The following SLC6A14 variants were observed in gnomAD, a reference collection of about 807,000 sequenced individuals.
The protein encoded by SLC6A14 is solute carrier family 6 member 14.
SLC6A14 carries 21 observed loss-of-function variants against 51.4 expected under a neutral mutation model. That is an observed-to-expected ratio of 0.41 (90% CI 0.29 to 0.59). SLC6A14 has a LOEUF of 0.59. Among genes scored for constraint, SLC6A14 ranks in the 20% least tolerant of loss-of-function variants. The pLI, the probability that SLC6A14 is intolerant of heterozygous loss-of-function variation, is 0.31. For missense variants in SLC6A14, 371 were observed against 472.8 expected (o/e 0.78, Z 2.00); for synonymous variants, 177 against 160.7 (o/e 1.10, Z -0.77).
At position 116,460,985 on chromosome X, in the gene SLC6A14, G is replaced by A. The variant is rs2147393746; in HGVS notation, c.*2030G>A. The A allele has an allele frequency of 8.9e-6, 1 of 111,777 alleles. No individual in the cohort carries two copies. Among genetic ancestry groups the A allele is most frequent in the African/African-American group, 3.2e-5 (1 of 30,783 alleles). The allele number at this position is 111,777 out of a possible 1,213,427, so 9.2% of individuals were successfully genotyped here. ...ATTTGAGAATAGATGGCTAACAAGA[G>A]GTTAGAAATACTTTTCCTTAATTTT... On this transcript the variant is annotated 3_prime_UTR_variant, in exon 14 of 14. Transcript: ENST00000598581.
intron 3 of SLC6A14, among the ~76,000 whole-genome samples, chrX:116,442,053 A>T (rs1927608716): frequency 8.9e-6 from 1 of 111,736 alleles, no homozygotes; most frequent in Non-Finnish European, 1.9e-5. Flanking sequence ...TTGCAGGCTT[A>T]ACAAGAAAAA....
rs1467109070 is a variant in SLC6A14 at position 116,459,830 on chromosome X, T to C, written c.*875T>C. On this transcript the variant is annotated 3_prime_UTR_variant, in exon 14 of 14. Transcript: ENST00000598581. ...TAATGAGAAAATGGCTTTAATCAAT[T>C]CTAGCATTTTATTACTGTAATACAG... The C allele has an allele frequency of 8.9e-6, 1 of 112,139 alleles. No individual in the cohort carries two copies. The highest frequency in any genetic ancestry group is 3.2e-5 in the African/African-American group (1 of 30,826). 9.2% of individuals were successfully genotyped at this position (112,139 alleles called of 1,213,427 possible). A position where few individuals can be genotyped will look rare whatever the true frequency, so the allele number is the denominator to read the frequency against.
intron 2 of SLC6A14, among the ~76,000 whole-genome samples, chrX:116,439,954 A>G (rs1444095019): frequency 9.0e-6 from 1 of 111,341 alleles, no homozygotes; most frequent in Admixed American, 9.6e-5. Context: ...TGTTATTCCT[A>G]GGTATGATGT....
Position 116,437,968 on chromosome X carries a change from A to ACGGGGGGGG in SLC6A14, c.214+14_214+15insGGGGGGGGC. 5 of 1,122,109 alleles carry ACGGGGGGGG rather than the reference A, an allele frequency of 4.5e-6. No individual in the cohort carries two copies. Among genetic ancestry groups the ACGGGGGGGG allele is most frequent in the South Asian group, 2.0e-5 (1 of 50,795 alleles). 92.5% of individuals were successfully genotyped at this position (1,122,109 alleles called of 1,213,427 possible). ...AGCAATGGTGGAGGTATTCTATTTC[A>ACGGGGGGGG]CCCCCACCCTCCCACCCCCGCTTTT... On this transcript the variant is annotated intron_variant, in intron 2 of 13. Coordinates refer to ENST00000598581, the MANE Select transcript of SLC6A14 (RefSeq NM_007231.5).
chrX:116,458,686 T>A, intron 13 of SLC6A14, 123 bp from the exon 14 acceptor site: 1 of 590,327 alleles, frequency 1.7e-6, no homozygotes, highest in Non-Finnish European at 2.4e-6. Context: ...TAGTTTTCTA[T>A]GATGCTTATT....
At chrX:116,445,091 C>A (rs1374372540) in intron 6 of SLC6A14, 41 bp downstream of exon 6, 2 of 1,116,287 alleles carry the variant, frequency 1.8e-6, no homozygotes, top group African/African-American at 3.7e-5. Context: ...TAGCAGCTTT[C>A]CAATTTCATG....
At chrX:116,443,887 A>T in intron 5 of SLC6A14, 97 bp downstream of exon 5, 1 of 698,140 alleles carries the variant, frequency 1.4e-6, no homozygotes, top group Non-Finnish European at 2.0e-6. Context: ...ACTCACATAA[A>T]TAGAAAAAGG....
intron 8 of SLC6A14, among the ~76,000 whole-genome samples, chrX:116,452,814 C>A (rs1428828816): frequency 1.8e-5 from 2 of 111,673 alleles, no homozygotes; most frequent in African/African-American, 6.5e-5. Context: ...TAACTTAATT[C>A]ATGTCACATG....
Position 116,460,393 on chromosome X carries a change from GAAATT to G in SLC6A14, c.*1441_*1445del. ...TTGTGATTGAAGATGAAAGGAGTAA[GAAATT>G]AAGGCATTTGTTTAATTTATACTGG... On this transcript the variant is annotated 3_prime_UTR_variant, in exon 14 of 14. Transcript: ENST00000598581. 1 of 110,813 alleles carries G rather than the reference GAAATT, an allele frequency of 9.0e-6. No homozygotes were observed. Among genetic ancestry groups the G allele is most frequent in the Non-Finnish European group, 1.9e-5 (1 of 52,904 alleles). The allele number at this position is 110,813 out of a possible 1,213,427, so 9.1% of individuals were successfully genotyped here. A position where few individuals can be genotyped will look rare whatever the true frequency, so the allele number is the denominator to read the frequency against.
intron 9 of SLC6A14, among the ~76,000 whole-genome samples, chrX:116,453,489 TTA>T (rs1403242276): frequency 9.0e-6 from 1 of 111,260 alleles, no homozygotes; most frequent in Non-Finnish European, 1.9e-5. Context: ...TATATACATT[TTA>T]TATGTCTGTA....
At chrX:116,445,498 GAGAGA>G (rs1927693730) in intron 6 of SLC6A14, among the ~76,000 whole-genome samples, 1 of 89,908 alleles carries the variant, frequency 1.1e-5, no homozygotes, top group African/African-American at 3.9e-5. Flanking sequence ...GAGAGAGAGA[GAGAGA>G]GAAATGTGTG....
At chrX:116,453,427 T>TC (rs1211832648) in intron 9 of SLC6A14, among the ~76,000 whole-genome samples, 55 of 110,309 alleles carry the variant, frequency 5.0e-4, no homozygotes, top group African/African-American at 1.4e-3. Flanking sequence ...AATCACATTT[T>TC]TTTCTAGAAG....
Position 116,454,963 on chromosome X carries a change from C to T in SLC6A14, c.1405-14C>T. 1 of 1,144,364 alleles carries T rather than the reference C, an allele frequency of 8.7e-7. No individual in the cohort carries two copies. The highest frequency in any genetic ancestry group is 1.2e-6 in the Non-Finnish European group (1 of 843,655). The allele number at this position is 1,144,364 out of a possible 1,213,427, so 94.3% of individuals were successfully genotyped here. A position where few individuals can be genotyped will look rare whatever the true frequency, so the allele number is the denominator to read the frequency against. On this transcript the variant is annotated splice_polypyrimidine_tract_variant and intron_variant, in intron 10 of 13. Transcript: ENST00000598581. ...TTAAAATATACTTAGAAGTAATTAA[C>T]ATTTTTTTGGTAGGCTGGAATTTAC...
chrX:116,454,989 T>A lies in SLC6A14; in HGVS notation c.1417T>A (p.Trp473Arg). 1 of 1,198,336 alleles carries A rather than the reference T, an allele frequency of 8.3e-7. No homozygotes were observed. The highest frequency in any genetic ancestry group is 1.1e-6 in the Non-Finnish European group (1 of 886,963). Residue 473 changes from tryptophan (W) to arginine (R), a missense_variant, in exon 11 of 14, where the codon TGG becomes AGG. Trp to Arg is a moderately radical substitution (Grantham distance 101). This residue lies in a region of SLC6A14 where 277 missense variants were observed against 391.8 expected (regional missense o/e 0.71). Coordinates refer to ENST00000598581, the MANE Select transcript of SLC6A14 (RefSeq NM_007231.5). ...LVCVTQAGIY[W>R]VHLIDHFCAG... is the part of the protein sequence containing the mutation. ...ATTTTTTTGGTAGGCTGGAATTTAC[T>A]GGGTTCATCTGATTGACCACTTCTG...
intron 13 of SLC6A14, among the ~76,000 whole-genome samples, chrX:116,458,205 A>T (rs1172410238): frequency 2.7e-5 from 3 of 111,873 alleles, no homozygotes; most frequent in Non-Finnish European, 5.7e-5. Flanking sequence ...TTTATACTGG[A>T]ATAAGCCTGG....
chrX:116,458,987 A>G lies in SLC6A14; in HGVS notation c.*32A>G. 1 of 1,134,345 alleles carries G rather than the reference A, an allele frequency of 8.8e-7. No individual in the cohort carries two copies. Among genetic ancestry groups the G allele is most frequent in the East Asian group, 3.1e-5 (1 of 32,741 alleles). 93.5% of individuals were successfully genotyped at this position (1,134,345 alleles called of 1,213,427 possible). On this transcript the variant is annotated 3_prime_UTR_variant, in exon 14 of 14. Coordinates refer to ENST00000598581, the MANE Select transcript of SLC6A14 (RefSeq NM_007231.5). ...ATTGAAAAAAATATATGATTGTATA[A>G]TGTGATTTTTTTTAGAATAGGGGGA...
intron 11 of SLC6A14, 102 bp from the exon 12 acceptor site, chrX:116,455,255 G>A (rs1345423356): frequency 1.4e-6 from 1 of 706,305 alleles, no homozygotes; most frequent in Non-Finnish European, 2.2e-6. Flanking sequence ...ATTCATTGTT[G>A]TGGTAGAGAA....
intron 12 of SLC6A14, among the ~76,000 whole-genome samples, chrX:116,456,594 A>G (rs1556694815): frequency 1.8e-5 from 2 of 111,194 alleles, no homozygotes; most frequent in African/African-American, 6.5e-5. Context: ...ATGCAAAAGT[A>G]TTAGATATGA....
rs1556694662 is a variant in SLC6A14, at chrX:116,454,996, A to G, written c.1424A>G (p.His475Arg). 8.3e-7 allele frequency: 1 copy of G among 1,201,315 alleles called. No individual in the cohort carries two copies. The highest frequency in any genetic ancestry group is 1.1e-6 in the Non-Finnish European group (1 of 889,369). The change falls in exon 11 of 14, where the codon CAT becomes CGT. Residue 475 changes from histidine (H) to arginine (R), a missense_variant. His to Arg is a conservative substitution (Grantham distance 29, BLOSUM62 0). This residue lies in a region of SLC6A14 where 277 missense variants were observed against 391.8 expected (regional missense o/e 0.71). Coordinates refer to ENST00000598581, the MANE Select transcript of SLC6A14 (RefSeq NM_007231.5). Reference protein sequence around the residue: ...CVTQAGIYWVHLIDHFCAGWG... With the variant: ...CVTQAGIYWVRLIDHFCAGWG... ...TGGTAGGCTGGAATTTACTGGGTTCATCTGATTGACCACTTCTGTGCTGGA... is the reference window on the plus strand; with the variant it reads ...TGGTAGGCTGGAATTTACTGGGTTCGTCTGATTGACCACTTCTGTGCTGGA...
Sources: allele counts gnomAD v4.1 joint callset (sites outside exome capture counted in the v4.1 genomes callset), GRCh38; gene constraint gnomAD v4.1.1; regional missense constraint gnomAD v4.1.1; transcripts MANE v1.5; gene names NCBI Gene and HGNC (gene_info 2026-07-23, HGNC 2026-07-21).